The following LAMA2 variants were observed in gnomAD, a reference collection of about 807,000 sequenced individuals.
The protein encoded by LAMA2 is laminin subunit alpha 2.
LAMA2 carries 269 observed loss-of-function variants against 364.8 expected under a neutral mutation model. The observed-to-expected ratio is 0.74, with a 90% CI of 0.67 to 0.82. The LOEUF (loss-of-function observed/expected upper bound fraction) is 0.82, where lower values mean the gene tolerates loss of function less well. LAMA2 is among the 40% of genes least tolerant of loss of function. The pLI is 0.00. For synonymous variants in LAMA2, 1,379 were observed against 1,370.6 expected (o/e 1.01, Z -0.14); for missense variants, 3,807 against 3,873.2 (o/e 0.98, Z 0.45).
Position 129,393,107 on chromosome 6 carries a change from A to G in LAMA2, c.5297A>G (p.Glu1766Gly), listed in dbSNP as rs145815606. 3 of 1,613,996 alleles carry G rather than the reference A, an allele frequency of 1.9e-6. No individual in the cohort carries two copies. The African/African-American group carries it at 4.0e-5, about 22-fold the overall frequency. ...TTTGGAGAGTCCCGGGGGGAAAATG[A>G]AGAAATGGAGAAGGATCTCCGGGAA... ...KLFGESRGEN[E>G]EMEKDLREKL... The change falls in exon 37 of 65, where the codon GAA (glutamate) becomes GGA (glycine). Residue 1766 changes from glutamate to glycine, a missense_variant. By Grantham distance (98) the Glu-to-Gly change is moderately conservative. Around this residue, in one of 3 missense-constraint regions of LAMA2, gnomAD observed 3,333 missense variants for 3,345.7 expected, o/e 1.00. Coordinates refer to ENST00000421865, the MANE Select transcript of LAMA2 (RefSeq NM_000426.4).
chr6:128,920,158 CTTTTCTTTTTTTT>C (rs1022362091), intron 1 of LAMA2, among the ~76,000 whole-genome samples: 7 of 150,594 alleles, frequency 4.6e-5, no homozygotes, highest in Non-Finnish European at 8.9e-5. Flanking sequence ...GCTCATTTTT[CTTTTCTTTTTTTT>C]TTTTTTGACG....
At chr6:129,445,905 C>A (rs1182440917) in intron 45 of LAMA2, 84 bp downstream of exon 45, 28 of 1,347,176 alleles carry the variant, frequency 2.1e-5, no homozygotes, top group Non-Finnish European at 2.8e-5. Flanking sequence ...CCAGGATTCC[C>A]CGTTGAATGA....
At chr6:129,051,014 G>A (rs900292394) in intron 2 of LAMA2, among the ~76,000 whole-genome samples, 4 of 151,688 alleles carry the variant, frequency 2.6e-5, no homozygotes, top group African/African-American at 9.7e-5. Flanking sequence ...AGGGGAAATA[G>A]AGGCAAAAGA....
rs1291961655 is a variant in LAMA2 at position 129,172,340 on chromosome 6, C to A, written c.1307-5366C>A. ...TTTGGTCTTTGATGATGGTGATGTACAGATGGGTTTTTCGTGTGGATGTCC... is the reference window on the plus strand; with the variant it reads ...TTTGGTCTTTGATGATGGTGATGTAAAGATGGGTTTTTCGTGTGGATGTCC... On this transcript the variant is annotated intron_variant, in intron 9 of 64. Coordinates refer to ENST00000421865, the MANE Select transcript of LAMA2 (RefSeq NM_000426.4). 3.3e-5 allele frequency among the ~76,000 whole-genome samples: 5 copies of A among 152,302 alleles called. No individual in the cohort carries two copies. In the South Asian group the frequency reaches 6.2e-4, roughly 19 times the overall value.
chr6:129,401,788 G>A (rs1348242933), intron 38 of LAMA2, among the ~76,000 whole-genome samples: 1 of 152,198 alleles, frequency 6.6e-6, no homozygotes, highest in African/African-American at 2.4e-5. Flanking sequence ...AAGTGGCATT[G>A]TTTAAATAGA....
intron 1 of LAMA2, among the ~76,000 whole-genome samples, chr6:129,015,064 T>C (rs185553569): frequency 9.2e-5 from 14 of 152,268 alleles, no homozygotes; most frequent in Admixed American, 7.2e-4. Flanking sequence ...AGAATAACTT[T>C]GTCTGAAATT....
rs892231926 is a variant in LAMA2, at chr6:129,129,787, A to G, written c.640-14114A>G. On this transcript the variant is annotated intron_variant, in intron 4 of 64. Coordinates refer to ENST00000421865, the MANE Select transcript of LAMA2 (RefSeq NM_000426.4). The stretch of plus-strand genomic sequence containing the variant: ...AAAATACAAAAAATTAGCCAGGCGT[A>G]GTGGCGGGCGCCTGTAGTCCCAGCT... Among the ~76,000 whole-genome samples, 47 of 150,506 alleles carry G rather than the reference A, an allele frequency of 3.1e-4. 1 individual carries two copies. Among genetic ancestry groups the G allele is most frequent in the Non-Finnish European group, 5.8e-4 (39 of 67,156 alleles).
At chr6:129,310,891 G>A (rs929621767) in intron 22 of LAMA2, among the ~76,000 whole-genome samples, 2 of 152,050 alleles carry the variant, frequency 1.3e-5, no homozygotes, top group Non-Finnish European at 2.9e-5. Context: ...AAACAAACAC[G>A]TCGGAGTTTG....
chr6:129,282,930 T>C (rs2114399887), intron 18 of LAMA2, among the ~76,000 whole-genome samples: 1 of 152,214 alleles, frequency 6.6e-6, no homozygotes, highest in Admixed American at 6.5e-5. Context: ...TTCAAACATG[T>C]AGCACAAGAT....
intron 1 of LAMA2, among the ~76,000 whole-genome samples, chr6:128,959,104 C>T (rs1179026556): frequency 6.6e-6 from 1 of 152,028 alleles, no homozygotes; most frequent in Non-Finnish European, 1.5e-5. Flanking sequence ...TACATCGTTG[C>T]CTGGCATTAA....
rs1179325141 is a variant in LAMA2, at chr6:129,132,168, CT to C, written c.640-11717del. ...AGCTAGAAAGAACTCTGACCTTACT[CT>C]TTTTTTTTTTTTTTTGAGACAGAGT... is the stretch of plus-strand genomic sequence containing the variant. On this transcript the variant is annotated intron_variant, in intron 4 of 64. Transcript: ENST00000421865. Among the ~76,000 whole-genome samples, 704 of 140,016 alleles carry C rather than the reference CT, an allele frequency of 5.0e-3. 2 individuals carry two copies. Among genetic ancestry groups the C allele is most frequent in the African/African-American group, 0.011 (428 of 37,822 alleles). 91.9% of individuals were successfully genotyped at this position (140,016 alleles called of 152,430 possible). A position where few individuals can be genotyped will look rare whatever the true frequency, so the allele number is the denominator to read the frequency against.
chr6:129,058,052 G>A (rs887435860), intron 2 of LAMA2, among the ~76,000 whole-genome samples: 16 of 152,146 alleles, frequency 1.1e-4, no homozygotes, highest in South Asian at 4.1e-4. Context: ...ATGGGCAAAT[G>A]TGCCGACTTT....
At chr6:128,897,244 T>C (rs1437023347) in intron 1 of LAMA2, among the ~76,000 whole-genome samples, 4 of 152,222 alleles carry the variant, frequency 2.6e-5, no homozygotes, top group African/African-American at 9.6e-5. Context: ...TTTTGTGAGA[T>C]TTCCTATGAA....
At chr6:129,371,508 T>C (rs2114630566) in intron 34 of LAMA2, among the ~76,000 whole-genome samples, 1 of 152,240 alleles carries the variant, frequency 6.6e-6, no homozygotes, top group Admixed American at 6.5e-5. Flanking sequence ...CTAGGAATTA[T>C]GACACTGGGG....
At chr6:128,892,874 A>G (rs1360015211) in intron 1 of LAMA2, among the ~76,000 whole-genome samples, 1 of 151,902 alleles carries the variant, frequency 6.6e-6, no homozygotes, top group African/African-American at 2.4e-5. Context: ...AAAACCAAAA[A>G]ACCTACTTCA....
At chr6:129,276,936 A>G (rs1438536638) in intron 17 of LAMA2, among the ~76,000 whole-genome samples, 1 of 152,152 alleles carries the variant, frequency 6.6e-6, no homozygotes, top group Non-Finnish European at 1.5e-5. Flanking sequence ...AGTCACATGT[A>G]TACACATGTA....
At chr6:129,242,869 A>T (rs1305043036) in intron 12 of LAMA2, among the ~76,000 whole-genome samples, 1 of 152,132 alleles carries the variant, frequency 6.6e-6, no homozygotes, top group Non-Finnish European at 1.5e-5. Context: ...GTAGTACGCT[A>T]AGTCAGAAAA....
At chr6:129,410,353 A>C (rs9321168) in intron 40 of LAMA2, among the ~76,000 whole-genome samples, 75,530 of 151,100 alleles carry the variant, frequency 0.5, 19,305 homozygotes, top group African/African-American at 0.62. Context: ...GACATTTTTA[A>C]TTCCCATGGC....
At chr6:129,025,106 T>A (rs1251784621) in intron 1 of LAMA2, among the ~76,000 whole-genome samples, 1 of 152,194 alleles carries the variant, frequency 6.6e-6, no homozygotes, top group Non-Finnish European at 1.5e-5. Flanking sequence ...ATTATAAGTG[T>A]CTGTTTTGAG....
Sources: gnomAD v4.1 joint callset for allele counts (sites outside exome capture counted in the v4.1 genomes callset) on GRCh38, gnomAD v4.1.1 for gene constraint, gnomAD v4.1.1 regional missense constraint, MANE v1.5 for transcripts, NCBI Gene and HGNC (gene_info 2026-07-23, HGNC 2026-07-21) for gene names.